SMC4: variants seen among roughly 807,000 people sequenced by gnomAD.
SMC4 encodes structural maintenance of chromosomes 4.
A neutral mutation model predicts 145.6 loss-of-function variants in SMC4; 87 were observed. The ratio of observed to expected loss-of-function variants is 0.60; its 90% CI spans 0.50 to 0.71. The LOEUF (loss-of-function observed/expected upper bound fraction) is 0.71, where lower values mean the gene tolerates loss of function less well. Ranked by LOEUF, SMC4 falls within the 30% of genes least tolerant of loss-of-function variation. The probability of loss-of-function intolerance (pLI) is 0.00; values close to 1 mark genes in which losing one functional copy is unlikely to be tolerated. For missense variants in SMC4, 1,447 were observed against 1,537.1 expected, an observed-to-expected ratio of 0.94 and a Z score of 0.98; for synonymous variants, 558 against 500.7, an observed-to-expected ratio of 1.11 and a Z score of -1.53.
intron 22 of SMC4, 51 bp downstream of exon 22, chr3:160,432,566 T>G: frequency 8.7e-7 from 1 of 1,151,550 alleles, no homozygotes; most frequent in South Asian, 1.6e-5. Context: ...TTTCTACATA[T>G]TCTCCAAACT....
chr3:160,420,772 C>T lies in SMC4; in HGVS notation c.1890C>T (p.Asp630=), dbSNP rs745744048. The change falls in exon 13 of 24, where the codon GAC becomes GAT. Residue 630 remains aspartate (D), a synonymous_variant. Coordinates refer to ENST00000357388, the MANE Select transcript of SMC4 (RefSeq NM_001002800.3). ...TAGGAGCCATTGATGAAAAATACGA[C>T]GTGGCTATATCATCCTGTTGTCATG... is the stretch of plus-strand genomic sequence containing the variant. ...GDLGAIDEKY[D]VAISSCCHAL... The T allele has an allele frequency of 4.9e-5, 79 of 1,613,506 alleles. No individual in the cohort carries two copies. The highest frequency in any genetic ancestry group is 3.7e-4 in the South Asian group (34 of 90,920).
At chr3:160,427,430 C>T (rs1186596159) in intron 17 of SMC4, among the ~76,000 whole-genome samples, 2 of 152,194 alleles carry the variant, frequency 1.3e-5, no homozygotes, top group Non-Finnish European at 2.9e-5. Flanking sequence ...AGGCCTTCAC[C>T]CACACTCCCC....
chr3:160,420,928 A>G, intron 13 of SMC4, 27 bp downstream of exon 13: 1 of 1,574,152 alleles, frequency 6.4e-7, no homozygotes, highest in Non-Finnish European at 8.6e-7. Context: ...ACCTACCTAT[A>G]ATTGGAATTT....
chr3:160,429,713 T>G (rs1259928080), intron 18 of SMC4, among the ~76,000 whole-genome samples: 1 of 145,900 alleles, frequency 6.9e-6, no homozygotes, highest in African/African-American at 2.6e-5. Flanking sequence ...CTACTTAGGT[T>G]TTTTTTTTTT....
At chr3:160,424,759 G>C in intron 15 of SMC4, 108 bp from the exon 16 acceptor site, 11 of 1,237,900 alleles carry the variant, frequency 8.9e-6, no homozygotes, top group Non-Finnish European at 9.2e-6. Context: ...GCAGTGAGCT[G>C]AGACCGCGCC....
chr3:160,428,903 C>G lies in SMC4; in HGVS notation c.2756C>G (p.Ala919Gly). The change falls in exon 18 of 24, where the codon GCT (alanine) becomes GGT (glycine). Residue 919 changes from alanine (A) to glycine (G), a missense_variant. Ala to Gly is a moderately conservative substitution (Grantham distance 60). Coordinates refer to ENST00000357388, the MANE Select transcript of SMC4 (RefSeq NM_001002800.3). ...AAGCAATTAGATGAATGTGCTTCTG[C>G]TATTACTAAAGCCCAAGTAGCAATC... ...INKQLDECAS[A>G]ITKAQVAIKT... 1 of 1,597,354 alleles carries G rather than the reference C, an allele frequency of 6.3e-7. No homozygotes were observed. The highest frequency in any genetic ancestry group is 1.1e-5 in the South Asian group (1 of 87,214).
At chr3:160,425,406 A>G (rs1235129169) in intron 16 of SMC4, among the ~76,000 whole-genome samples, 1 of 152,084 alleles carries the variant, frequency 6.6e-6, no homozygotes, top group African/African-American at 2.4e-5. Context: ...ATTTTGACGT[A>G]TGTTCTTTCA....
Position 160,433,843 on chromosome 3 carries a change from T to G in SMC4, c.*34T>G. ...CTGAAGATTCTTCAAGTTGATTCAGTGTATTACTGATTTTTTTCTATTTGT... is the reference window on the plus strand; with the variant it reads ...CTGAAGATTCTTCAAGTTGATTCAGGGTATTACTGATTTTTTTCTATTTGT... On this transcript the variant is annotated 3_prime_UTR_variant, in exon 24 of 24. Coordinates refer to ENST00000357388, the MANE Select transcript of SMC4 (RefSeq NM_001002800.3). 1 of 1,530,260 alleles carries G rather than the reference T, an allele frequency of 6.5e-7. No homozygotes were observed. The highest frequency in any genetic ancestry group is 8.9e-7 in the Non-Finnish European group (1 of 1,124,960). The allele number at this position is 1,530,260 out of a possible 1,614,324, so 94.8% of individuals were successfully genotyped here.
intron 8 of SMC4, 164 bp downstream of exon 8, chr3:160,413,777 T>C (rs1361903754): frequency 2.2e-6 from 1 of 455,064 alleles, no homozygotes. Flanking sequence ...ATCCAGTTCC[T>C]TGTTACAGAT....
At chr3:160,426,224 TTG>T in intron 17 of SMC4, 24 bp downstream of exon 17, 1 of 1,557,800 alleles carries the variant, frequency 6.4e-7, no homozygotes, top group Non-Finnish European at 8.7e-7. Flanking sequence ...TAGACCTTTT[TTG>T]GGGGGAAAAA....
At chr3:160,428,603 CGTTT>C in intron 17 of SMC4, 146 bp from the exon 18 acceptor site, 1 of 613,984 alleles carries the variant, frequency 1.6e-6, no homozygotes, top group Non-Finnish European at 2.7e-6. Context: ...TACAGGATAT[CGTTT>C]TTTTTTTTAA....
In SMC4 at chr3:160,434,211, T is replaced by C. The variant is rs1434215779; in HGVS notation, c.*402T>C. The stretch of plus-strand genomic sequence containing the variant: ...GATTCTTTAAGGCATTCCACTTAGC[T>C]TGCCAGTTGAGACAATCACCACAGT... On this transcript the variant is annotated 3_prime_UTR_variant, in exon 24 of 24. Transcript: ENST00000357388. 6.4e-6 allele frequency: 1 copy of C among 156,060 alleles called. No individual in the cohort carries two copies. Among genetic ancestry groups the C allele is most frequent in the Non-Finnish European group, 1.4e-5 (1 of 70,838 alleles). 9.7% of individuals were successfully genotyped at this position (156,060 alleles called of 1,614,324 possible).
chr3:160,429,273 A>T (rs1303790100), intron 18 of SMC4, among the ~76,000 whole-genome samples: 1 of 152,184 alleles, frequency 6.6e-6, no homozygotes, highest in Non-Finnish European at 1.5e-5. Flanking sequence ...ACAGGCCTTA[A>T]AAGAATAAGT....
chr3:160,407,294 T>C (rs1715440937), intron 5 of SMC4, among the ~76,000 whole-genome samples: 1 of 152,224 alleles, frequency 6.6e-6, no homozygotes, highest in Non-Finnish European at 1.5e-5. Context: ...AGCTCACGCC[T>C]ATAATCCCAG....
In SMC4 at chr3:160,434,798, A is replaced by G. The variant is rs1198975669; in HGVS notation, c.*989A>G. On this transcript the variant is annotated 3_prime_UTR_variant, in exon 24 of 24. Transcript: ENST00000357388. ...CTAGCTGTTAAATTTCTGGGTATTT[A>G]TCCTAAGGAATTAATTAAAGAGTTA... is the stretch of plus-strand genomic sequence containing the variant. The G allele has an allele frequency of 6.6e-6, 1 of 152,186 alleles. No homozygotes were observed. The highest frequency in any genetic ancestry group is 6.5e-5 in the Admixed American group (1 of 15,282). The allele number at this position is 152,186 out of a possible 1,614,324, so 9.4% of individuals were successfully genotyped here. A position where few individuals can be genotyped will look rare whatever the true frequency, so the allele number is the denominator to read the frequency against.
At chr3:160,430,876 G>A in intron 19 of SMC4, 133 bp downstream of exon 19, 1 of 1,235,338 alleles carries the variant, frequency 8.1e-7, no homozygotes. Flanking sequence ...ATTTTTATTT[G>A]TACAATAAGA....
In SMC4 at chr3:160,433,164, A is replaced by G; in HGVS notation, c.3669A>G (p.Ala1223=). 6.2e-7 allele frequency: 1 copy of G among 1,613,532 alleles called. No individual in the cohort carries two copies. The highest frequency in any genetic ancestry group is 8.5e-7 in the Non-Finnish European group (1 of 1,179,652). ...TTTACTTCATGGATGAGATTGATGC[A>G]GCCCTTGATTTTAAAAATGTGTCCA... is the stretch of plus-strand genomic sequence containing the variant. ...TPLYFMDEID[A]ALDFKNVSIV... Residue 1223 remains alanine, a synonymous_variant, in exon 23 of 24, where the codon GCA becomes GCG. Coordinates refer to ENST00000357388, the MANE Select transcript of SMC4 (RefSeq NM_001002800.3).
chr3:160,425,088 G>A, intron 16 of SMC4, 69 bp downstream of exon 16: 3 of 1,478,252 alleles, frequency 2.0e-6, no homozygotes, highest in Non-Finnish European at 2.7e-6. Context: ...GAATTTATCA[G>A]AACCATTTTG....
rs772198637 is a variant in SMC4 at position 160,420,863 on chromosome 3, C to A, written c.1981C>A (p.Gln661Lys). Reference sequence around the variant, plus strand: ...AGAATGTGTAAACTTCCTTAAAAGACAAAATATTGGAGTTGCAACCTTTAT... The same window carrying A: ...AGAATGTGTAAACTTCCTTAAAAGAAAAAATATTGGAGTTGCAACCTTTAT... ...AQECVNFLKR[Q>K]NIGVATFIGL... is the part of the protein sequence containing the mutation. Residue 661 changes from glutamine (Q) to lysine (K), a missense_variant, in exon 13 of 24, where the codon CAA becomes AAA. By Grantham distance (53) the Gln-to-Lys change is moderately conservative. Transcript: ENST00000357388. 1 of 1,613,034 alleles carries A rather than the reference C, an allele frequency of 6.2e-7. No homozygotes were observed. The highest frequency in any genetic ancestry group is 1.1e-5 in the South Asian group (1 of 90,894).
Sources: allele counts gnomAD v4.1 joint callset (sites outside exome capture counted in the v4.1 genomes callset), GRCh38; gene constraint gnomAD v4.1.1; transcripts MANE v1.5; gene names NCBI Gene and HGNC (gene_info 2026-07-23, HGNC 2026-07-21).